The following M1AP variants were observed in gnomAD, a reference collection of about 807,000 sequenced individuals.
M1AP encodes the protein meiosis 1 associated protein.
In M1AP, 39 loss-of-function variants were observed where a neutral mutation model predicts 51.2. The ratio of observed to expected loss-of-function variants is 0.76; its 90% CI spans 0.59 to 1.00. The LOEUF is 1.00. Ranked by LOEUF, M1AP falls within the 50% of genes least tolerant of loss-of-function variation. The pLI is 0.00. For synonymous variants in M1AP, 251 were observed against 249.2 expected (o/e 1.01, Z -0.07); for missense variants, 545 against 641.2 (o/e 0.85, Z 1.62).
intron 5 of M1AP, chr2:74,576,979 T>C (rs763564747): frequency 1.9e-5 from 18 of 930,830 alleles, no homozygotes; most frequent in Non-Finnish European, 2.4e-5. Context: ...GTGGAGGAGG[T>C]AGCTAATGCC....
intron 2 of M1AP, chr2:74,620,920 GC>G (rs756611848): frequency 5.6e-6 from 1 of 178,956 alleles, no homozygotes; most frequent in Non-Finnish European, 1.3e-5. Flanking sequence ...TGTCCAAACA[GC>G]TTCTCCTTCA....
At chr2:74,586,868 G>C (rs1679736705) in intron 4 of M1AP, among the ~76,000 whole-genome samples, 1 of 152,058 alleles carries the variant, frequency 6.6e-6, no homozygotes, top group Non-Finnish European at 1.5e-5. Flanking sequence ...CAGGTGTGGT[G>C]GTGCATGCCT....
intron 1 of M1AP, among the ~76,000 whole-genome samples, chr2:74,642,329 T>C (rs1683344733): frequency 1.3e-5 from 2 of 151,716 alleles, no homozygotes; most frequent in Admixed American, 1.3e-4. Flanking sequence ...AAGGTTGATA[T>C]AACATTAGAA....
intron 2 of M1AP, among the ~76,000 whole-genome samples, chr2:74,626,256 AGTTT>A (rs1323070485): frequency 1.4e-4 from 19 of 136,516 alleles, no homozygotes; most frequent in African/African-American, 5.7e-4. Flanking sequence ...GCTATATTTC[AGTTT>A]TTTTTTTTTT....
chr2:74,628,894 C>T, intron 2 of M1AP: 1 of 414,610 alleles, frequency 2.4e-6, no homozygotes, highest in Non-Finnish European at 4.9e-6. Context: ...TCTTCTGCAT[C>T]AATTAGTGAA....
Position 74,606,601 on chromosome 2 carries a change from C to CATAT in M1AP, c.595+450_595+453dup, listed in dbSNP as rs147796011. Among the ~76,000 whole-genome samples the CATAT allele has an allele frequency of 1.2e-3, 185 of 148,256 alleles. No individual in the cohort carries two copies. The East Asian group carries it at 0.024, about 19-fold the overall frequency. ...AATATTAAGAGAGTGTGTGTGTGTG[C>CATAT]ATATATATATATATATAAAAGAATG... On this transcript the variant is annotated intron_variant, in intron 4 of 10. Transcript: ENST00000421985.
chr2:74,576,260 C>T lies in M1AP; in HGVS notation c.932+196G>A, dbSNP rs1005811605. Among the ~76,000 whole-genome samples, 12 of 152,188 alleles carry T rather than the reference C, an allele frequency of 7.9e-5. No homozygotes were observed. In the East Asian group the frequency reaches 2.1e-3, roughly 27 times the overall value. ...AGAGTGTTCTACTGCAGCGCTTCTC[C>T]CACCATCTGCACATTTGGCCTCCAC... On this transcript the variant is annotated intron_variant, in intron 6 of 10. Transcript: ENST00000421985.
intron 1 of M1AP, among the ~76,000 whole-genome samples, chr2:74,641,574 CAAGT>C (rs1269899797): frequency 1.3e-5 from 2 of 151,580 alleles, no homozygotes; most frequent in East Asian, 1.9e-4. Context: ...TATCTTCCCA[CAAGT>C]AAGAGGGTCA....
chr2:74,607,297 C>T (rs569828342), intron 3 of M1AP, 74 bp from the exon 4 acceptor site: 25 of 1,450,114 alleles, frequency 1.7e-5, no homozygotes, highest in South Asian at 4.6e-5. Context: ...AGTTCCTACC[C>T]GGAGGATAAA....
intron 5 of M1AP, chr2:74,577,041 G>C (rs1325814841): frequency 3.1e-6 from 1 of 324,462 alleles, no homozygotes; most frequent in Admixed American, 5.5e-5. Context: ...TGCTTCTGCT[G>C]CTTCCTTGTG....
At chr2:74,609,182 C>A (rs1474197872) in intron 3 of M1AP, among the ~76,000 whole-genome samples, 20 of 152,150 alleles carry the variant, frequency 1.3e-4, no homozygotes, top group African/African-American at 4.6e-4. Flanking sequence ...TGTAACTTTG[C>A]ACCATTGGCC....
chr2:74,636,049 G>T (rs543110074), intron 2 of M1AP, among the ~76,000 whole-genome samples: 5 of 152,176 alleles, frequency 3.3e-5, no homozygotes, highest in African/African-American at 1.2e-4. Context: ...ATTGTTGAGA[G>T]AGGGACACTG....
chr2:74,647,928 T>G (rs2104875692), intron 1 of M1AP: 5 of 759,550 alleles, frequency 6.6e-6, no homozygotes, highest in African/African-American at 1.9e-5. Context: ...AAAAAAATTC[T>G]CGTGGCTCCC....
At chr2:74,589,611 T>C (rs1231329742) in intron 4 of M1AP, among the ~76,000 whole-genome samples, 1 of 152,242 alleles carries the variant, frequency 6.6e-6, no homozygotes, top group African/African-American at 2.4e-5. Flanking sequence ...TATGCTTTCC[T>C]GTTGTGTGGT....
At chr2:74,599,892 G>A (rs552280125) in intron 4 of M1AP, among the ~76,000 whole-genome samples, 1 of 150,986 alleles carries the variant, frequency 6.6e-6, no homozygotes, top group East Asian at 1.9e-4. Context: ...GTGCACTGAT[G>A]CGATCATAGC....
intron 2 of M1AP, among the ~76,000 whole-genome samples, chr2:74,622,648 G>GATAT (rs143586355): frequency 0.014 from 2,159 of 150,640 alleles, 57 homozygotes; most frequent in African/African-American, 0.05. Context: ...TGATTTAAAG[G>GATAT]ATATAATTCA....
chr2:74,559,832 AG>A, intron 9 of M1AP, 123 bp from the exon 10 acceptor site: 1 of 687,714 alleles, frequency 1.5e-6, no homozygotes, highest in Non-Finnish European at 2.7e-6. Context: ...CCTTTCCTTC[AG>A]CCTTTTCTTT....
chr2:74,576,609 T>C lies in M1AP; in HGVS notation c.779A>G (p.Lys260Arg). 6.2e-7 allele frequency: 1 copy of C among 1,614,024 alleles called. No individual in the cohort carries two copies. Among genetic ancestry groups the C allele is most frequent in the Non-Finnish European group, 8.5e-7 (1 of 1,179,948 alleles). ...SRPRDNPMCLKCDLQERLLCP... is the reference protein window; with the variant it reads ...SRPRDNPMCLRCDLQERLLCP... ...GAGCAGTCGCTCTTGGAGATCACAT[T>C]TCAGACACACTACAATAAAAGGAGA... is the stretch of plus-strand genomic sequence containing the variant. The change falls in exon 6 of 11, where the codon AAA becomes AGA. Residue 260 changes from lysine (K) to arginine (R), a missense_variant. By Grantham distance (26) the Lys-to-Arg change is conservative. Coordinates refer to ENST00000421985, the MANE Select transcript of M1AP (RefSeq NM_001321739.2).
Position 74,648,295 on chromosome 2 carries a change from T to G in M1AP, c.-83A>C, listed in dbSNP as rs908436353. 9.1e-6 allele frequency: 9 copies of G among 985,302 alleles called. No individual in the cohort carries two copies. In the African/African-American group the frequency reaches 1.6e-4, roughly 17 times the overall value. The allele number at this position is 985,302 out of a possible 1,614,324, so 61.0% of individuals were successfully genotyped here. A position where few individuals can be genotyped will look rare whatever the true frequency, so the allele number is the denominator to read the frequency against. On this transcript the variant is annotated 5_prime_UTR_variant, in exon 1 of 11. Transcript: ENST00000421985. The stretch of plus-strand genomic sequence containing the variant: ...TTCGGAAGACGGAGGCCCCCTCACC[T>G]GGTCCTCCCGGCTCTCAGCGTGCGC...
Sources: allele counts gnomAD v4.1 joint callset (sites outside exome capture counted in the v4.1 genomes callset), GRCh38; gene constraint gnomAD v4.1.1; transcripts MANE v1.5; gene names NCBI Gene and HGNC (gene_info 2026-07-23, HGNC 2026-07-21).